SUMF1: variants seen among roughly 807,000 people sequenced by gnomAD.
SUMF1 encodes the protein formylglycine-generating enzyme.
Under a neutral mutation model 47.6 loss-of-function variants are expected in SUMF1, and 48 were observed. The ratio of observed to expected loss-of-function variants is 1.01; its 90% CI spans 0.80 to 1.28. The LOEUF (loss-of-function observed/expected upper bound fraction) is 1.28, where lower values mean the gene tolerates loss of function less well. SUMF1 is among the 50% of genes most tolerant of loss of function. SUMF1 has a pLI of 0.00. For missense variants in SUMF1, 571 were observed against 485.4 expected, an observed-to-expected ratio of 1.18 and a Z score of -1.66; for synonymous variants, 230 against 192.1, an observed-to-expected ratio of 1.20 and a Z score of -1.63.
At chr3:4,206,059 A>G (rs1349832386) in intron 8 of SUMF1, among the ~76,000 whole-genome samples, 2 of 151,968 alleles carry the variant, frequency 1.3e-5, no homozygotes, top group Non-Finnish European at 2.9e-5. Context: ...ACTGTCATCT[A>G]GGAACTAGGG....
intron 8 of SUMF1, among the ~76,000 whole-genome samples, chr3:4,087,221 C>A (rs1692691515): frequency 6.6e-6 from 1 of 152,154 alleles, no homozygotes; most frequent in Non-Finnish European, 1.5e-5. Flanking sequence ...TGTGTGTGAC[C>A]TCAGCCAAGG....
chr3:4,211,205 T>TAC (rs1335685191), intron 8 of SUMF1, among the ~76,000 whole-genome samples: 36 of 117,236 alleles, frequency 3.1e-4, no homozygotes, highest in Non-Finnish European at 5.5e-4. Context: ...CATACATACA[T>TAC]ATATATATAT....
rs181748261 is a variant in SUMF1, at chr3:4,139,603, C to T, written c.1015-70858G>A. ...GTGTATATATATACACACACACACACATTTCTTAAGGGGAGAGCCAGTTGT... is the reference window on the plus strand; with the variant it reads ...GTGTATATATATACACACACACACATATTTCTTAAGGGGAGAGCCAGTTGT... On this transcript the variant is annotated intron_variant and NMD_transcript_variant, in intron 8 of 12. Transcript: ENST00000448413. 2.0e-3 allele frequency among the ~76,000 whole-genome samples: 301 copies of T among 150,952 alleles called. 4 individuals carry two copies. The highest frequency in any genetic ancestry group is 0.018 in the Admixed American group (272 of 15,132).
At chr3:4,308,298 T>C (rs1006650612) in intron 8 of SUMF1, among the ~76,000 whole-genome samples, 8 of 152,210 alleles carry the variant, frequency 5.3e-5, no homozygotes, top group Admixed American at 1.3e-4. Context: ...TACTATGCAC[T>C]ACCTGCAAAA....
chr3:4,378,525 CTT>C (rs1303486456), intron 7 of SUMF1, among the ~76,000 whole-genome samples: 1 of 152,178 alleles, frequency 6.6e-6, no homozygotes, highest in Non-Finnish European at 1.5e-5. Flanking sequence ...CATTAATAAA[CTT>C]TTGTTAATTA....
chr3:4,105,658 G>C (rs1217587017), intron 8 of SUMF1, among the ~76,000 whole-genome samples: 1 of 152,036 alleles, frequency 6.6e-6, no homozygotes, highest in African/African-American at 2.4e-5. Flanking sequence ...GTGAATATCT[G>C]TCTCTTCATT....
chr3:4,329,366 T>A (rs1559228033), intron 8 of SUMF1, among the ~76,000 whole-genome samples: 1 of 152,226 alleles, frequency 6.6e-6, no homozygotes, highest in Non-Finnish European at 1.5e-5. Context: ...CATCCAGGCA[T>A]TTCCGTACAT....
intron 8 of SUMF1, among the ~76,000 whole-genome samples, chr3:4,344,605 A>T (rs1457386654): frequency 6.6e-6 from 1 of 152,196 alleles, no homozygotes; most frequent in Non-Finnish European, 1.5e-5. Flanking sequence ...AAAATCCAAA[A>T]GGCCAGAGTG....
intron 8 of SUMF1, among the ~76,000 whole-genome samples, chr3:4,206,791 C>T (rs1206714185): frequency 6.6e-6 from 1 of 151,916 alleles, no homozygotes; most frequent in Non-Finnish European, 1.5e-5. Context: ...AGCCATCTTG[C>T]TCCACCTCTC....
intron 8 of SUMF1, among the ~76,000 whole-genome samples, chr3:4,145,866 T>A (rs930498844): frequency 6.6e-6 from 1 of 152,136 alleles, no homozygotes; most frequent in African/African-American, 2.4e-5. Flanking sequence ...ATCTCTTCCT[T>A]TTCCCCCCGT....
chr3:4,389,337 T>G (rs1001662937), intron 7 of SUMF1, among the ~76,000 whole-genome samples: 1 of 152,060 alleles, frequency 6.6e-6, no homozygotes, highest in Non-Finnish European at 1.5e-5. Context: ...AAATTGTTTT[T>G]TTTTTTTTTC....
chr3:4,057,087 A>G (rs943566564), intron 9 of SUMF1, among the ~76,000 whole-genome samples: 1 of 152,284 alleles, frequency 6.6e-6, no homozygotes. Context: ...AACTTCTGCA[A>G]TCAGAAAAAG....
chr3:4,417,982 G>T (rs946789381), intron 5 of SUMF1, 28 bp downstream of exon 5: 6 of 1,613,398 alleles, frequency 3.7e-6, no homozygotes, highest in Middle Eastern at 1.8e-4. Flanking sequence ...CCAACATATT[G>T]TCAGGCAAAA....
intron 8 of SUMF1, among the ~76,000 whole-genome samples, chr3:4,353,056 G>A (rs1699538607): frequency 6.6e-6 from 1 of 152,070 alleles, no homozygotes; most frequent in African/African-American, 2.4e-5. Context: ...AATCATTGAG[G>A]ACCCCACAGA....
intron 8 of SUMF1, among the ~76,000 whole-genome samples, chr3:4,165,024 G>C (rs529195147): frequency 6.6e-6 from 1 of 152,062 alleles, no homozygotes; most frequent in African/African-American, 2.4e-5. Flanking sequence ...TATGAATCCA[G>C]TCCCCGTGAT....
In SUMF1 at chr3:4,075,197, T is replaced by C. The variant is rs147172851; in HGVS notation, c.1015-6452A>G. 3.5e-3 allele frequency among the ~76,000 whole-genome samples: 528 copies of C among 152,082 alleles called. 3 individuals are homozygous for C. Among genetic ancestry groups the C allele is most frequent in the Admixed American group, 6.6e-3 (100 of 15,262 alleles). On this transcript the variant is annotated intron_variant and NMD_transcript_variant, in intron 8 of 12. Coordinates refer to the SUMF1 transcript ENST00000448413. Reference sequence around the variant, plus strand: ...GCAAGGCTGGTTCAACATACATAAGTCAATAAACATAATCCATCACATAAA... The same window carrying C: ...GCAAGGCTGGTTCAACATACATAAGCCAATAAACATAATCCATCACATAAA...
chr3:4,129,826 A>C (rs992486375), intron 8 of SUMF1, among the ~76,000 whole-genome samples: 2 of 152,248 alleles, frequency 1.3e-5, no homozygotes. Flanking sequence ...GTTTTAGCTC[A>C]GGTCCAACTT....
At chr3:4,408,696 C>T (rs542765388) in intron 7 of SUMF1, among the ~76,000 whole-genome samples, 4 of 152,226 alleles carry the variant, frequency 2.6e-5, no homozygotes, top group African/African-American at 4.8e-5. Flanking sequence ...CAAGACCTGG[C>T]GTGGTGGCTC....
chr3:4,133,337 CCTT>C (rs1473313913), intron 8 of SUMF1, among the ~76,000 whole-genome samples: 1 of 151,948 alleles, frequency 6.6e-6, no homozygotes, highest in Admixed American at 6.6e-5. Flanking sequence ...ATAATTATGA[CCTT>C]ATTATTGTCC....
Sources: gnomAD v4.1 joint callset for allele counts (sites outside exome capture counted in the v4.1 genomes callset) on GRCh38, gnomAD v4.1.1 for gene constraint, MANE v1.5 for transcripts, NCBI Gene and HGNC (gene_info 2026-07-23, HGNC 2026-07-21) for gene names.